Variants in CACNB4 observed in about 807,000 individuals in gnomAD.
CACNB4 encodes the protein calcium voltage-gated channel auxiliary subunit beta 4.
CACNB4 carries 32 observed loss-of-function variants against 71.2 expected under a neutral mutation model. That is an observed-to-expected ratio of 0.45 (90% CI 0.34 to 0.60). CACNB4 has a LOEUF of 0.60. Ranked by LOEUF, CACNB4 falls within the 20% of genes least tolerant of loss-of-function variation. The pLI, the probability that CACNB4 is intolerant of heterozygous loss-of-function variation, is 0.01. For synonymous variants in CACNB4, 231 were observed against 236.9 expected (o/e 0.97, Z 0.23); for missense variants, 464 against 647.9 (o/e 0.72, Z 3.08).
At chr2:152,064,842 A>C (rs1395119441) in intron 2 of CACNB4, among the ~76,000 whole-genome samples, 1 of 152,190 alleles carries the variant, frequency 6.6e-6, no homozygotes, top group Non-Finnish European at 1.5e-5. Context: ...AAATCTAAGA[A>C]ATTCTGTCTA....
chr2:152,087,431 C>CAA (rs754057435), intron 2 of CACNB4, among the ~76,000 whole-genome samples: 67 of 79,376 alleles, frequency 8.4e-4, no homozygotes, highest in Admixed American at 1.3e-3. Flanking sequence ...GACCCCATCT[C>CAA]AAAAAAAAAA....
chr2:152,098,727 C>G lies in CACNB4; in HGVS notation c.63+222G>C. The stretch of plus-strand genomic sequence containing the variant: ...GGCTGCGGGCTCCGGAGCGGGAGCG[C>G]AGAGACCCGAAGGAGGGTGAGGAGG... On this transcript the variant is annotated intron_variant, in intron 1 of 13. Coordinates refer to ENST00000539935, the MANE Select transcript of CACNB4 (RefSeq NM_000726.5). This position sits in a 1 kb window ranked among gnomAD's most constrained non-coding sequence, Gnocchi z 5.3. 5 of 1,548,324 alleles carry G rather than the reference C, an allele frequency of 3.2e-6. No individual in the cohort carries two copies. The Admixed American group carries it at 7.9e-5, about 24-fold the overall frequency.
chr2:152,013,702 A>G (rs1329460729), intron 2 of CACNB4, among the ~76,000 whole-genome samples: 1 of 152,246 alleles, frequency 6.6e-6, no homozygotes, highest in Non-Finnish European at 1.5e-5. Flanking sequence ...ACCATTACCA[A>G]GGAATCAGCA....
intron 2 of CACNB4, among the ~76,000 whole-genome samples, chr2:151,999,149 A>C (rs917105019): frequency 6.6e-6 from 1 of 151,322 alleles, no homozygotes; most frequent in Non-Finnish European, 1.5e-5. Context: ...TCAATCACTC[A>C]CTCCATGGCC....
In CACNB4 at chr2:152,021,115, C is replaced by T. The variant is rs1004411587; in HGVS notation, c.147+77215G>A. The stretch of plus-strand genomic sequence containing the variant: ...AAATACACCACACCAGGTGTGGTGG[C>T]GAGCGCCTGTAGTCCCAGCTATTCT... On this transcript the variant is annotated intron_variant, in intron 2 of 13. Coordinates refer to ENST00000539935, the MANE Select transcript of CACNB4 (RefSeq NM_000726.5). Among the ~76,000 whole-genome samples, 6 of 152,116 alleles carry T rather than the reference C, an allele frequency of 3.9e-5. No individual in the cohort carries two copies. In the East Asian group the frequency reaches 5.8e-4, roughly 15 times the overall value.
intron 10 of CACNB4, among the ~76,000 whole-genome samples, chr2:151,856,231 A>T (rs2099840280): frequency 6.6e-6 from 1 of 150,878 alleles, no homozygotes; most frequent in African/African-American, 2.4e-5. Flanking sequence ...ATATATATAT[A>T]TATTTTATAA....
chr2:151,981,660 C>T (rs1471330237), intron 2 of CACNB4, among the ~76,000 whole-genome samples: 16 of 152,068 alleles, frequency 1.1e-4, no homozygotes, highest in Admixed American at 1.0e-3. Context: ...GCATGTATCC[C>T]TTAAAGGCAG....
In CACNB4 at chr2:151,882,703, A is replaced by G. The variant is rs1400213476; in HGVS notation, c.267+548T>C. Among the ~76,000 whole-genome samples the G allele has an allele frequency of 2.0e-5, 3 of 152,258 alleles. No individual in the cohort carries two copies. The East Asian group carries it at 5.8e-4, about 29-fold the overall frequency. On this transcript the variant is annotated intron_variant, in intron 3 of 13. Transcript: ENST00000539935. Reference sequence around the variant, plus strand: ...GCTTCCTGTGGATGCAGCGATTTCTATGGAGGCCTCTTCTTGTGGAATATC... The same window carrying G: ...GCTTCCTGTGGATGCAGCGATTTCTGTGGAGGCCTCTTCTTGTGGAATATC...
At chr2:152,010,959 T>A (rs1683022268) in intron 2 of CACNB4, among the ~76,000 whole-genome samples, 1 of 152,112 alleles carries the variant, frequency 6.6e-6, no homozygotes, top group Admixed American at 6.5e-5. Context: ...TACAAGGAGA[T>A]ATGACTGCTC....
Position 151,869,211 on chromosome 2 carries a change from G to C in CACNB4, c.724C>G (p.Leu242Val). The change falls in exon 9 of 14, where the codon CTC becomes GTC. Residue 242 changes from leucine to valine, a missense_variant. Coordinates refer to ENST00000539935, the MANE Select transcript of CACNB4 (RefSeq NM_000726.5). ...YEVTDMMQKA[L>V]FDFLKHRFDG... ...AACCTGTGCTTCAGGAAATCAAAGAGGGCTTTCTGCATCATGTCTGTTACC... is the reference window on the plus strand; with the variant it reads ...AACCTGTGCTTCAGGAAATCAAAGACGGCTTTCTGCATCATGTCTGTTACC... 6.4e-7 allele frequency: 1 copy of C among 1,570,102 alleles called. No homozygotes were observed. Among genetic ancestry groups the C allele is most frequent in the Non-Finnish European group, 8.7e-7 (1 of 1,154,126 alleles).
At chr2:151,857,024 T>G (rs2099840493) in intron 10 of CACNB4, 1 of 152,200 alleles carries the variant, frequency 6.6e-6, no homozygotes, top group African/African-American at 2.4e-5. Flanking sequence ...TAAACGACCC[T>G]AAAGATGGCC....
chr2:151,973,275 A>C (rs963909284), intron 2 of CACNB4: 1 of 166,074 alleles, frequency 6.0e-6, no homozygotes, highest in East Asian at 1.7e-4. Context: ...CTAGCTCAAC[A>C]AACAATGTGT....
chr2:152,079,117 C>A (rs1334615941), intron 2 of CACNB4, among the ~76,000 whole-genome samples: 1 of 152,054 alleles, frequency 6.6e-6, no homozygotes, highest in East Asian at 1.9e-4. Flanking sequence ...GAGACACAGT[C>A]TCACTCTGTC....
At chr2:152,006,950 G>C (rs1682765701) in intron 2 of CACNB4, among the ~76,000 whole-genome samples, 1 of 152,090 alleles carries the variant, frequency 6.6e-6, no homozygotes, top group South Asian at 2.1e-4. Flanking sequence ...TTGACTAGTA[G>C]AGCCTTAAGT....
rs192954122 is a variant in CACNB4, at chr2:151,878,370, C to T, written c.391-1814G>A. Among the ~76,000 whole-genome samples the T allele has an allele frequency of 1.7e-4, 26 of 152,206 alleles. No homozygotes were observed. The East Asian group carries it at 3.3e-3, about 19-fold the overall frequency. Reference sequence around the variant, plus strand: ...AATTTGGCCTTTGTTATGCACACAGCTTCTCCATGCATACTATATGAGTGG... The same window carrying T: ...AATTTGGCCTTTGTTATGCACACAGTTTCTCCATGCATACTATATGAGTGG... On this transcript the variant is annotated intron_variant, in intron 4 of 13. Coordinates refer to ENST00000539935, the MANE Select transcript of CACNB4 (RefSeq NM_000726.5).
chr2:151,973,618 G>T, intron 2 of CACNB4: 1 of 1,533,312 alleles, frequency 6.5e-7, no homozygotes, highest in East Asian at 2.3e-5. Flanking sequence ...GGGGATAGTG[G>T]GAGGAGGAAG....
rs200398535 is a variant in CACNB4 at position 151,841,417 on chromosome 2, A to AT, written c.1302+485dup. On this transcript the variant is annotated intron_variant, in intron 13 of 13. Coordinates refer to ENST00000539935, the MANE Select transcript of CACNB4 (RefSeq NM_000726.5). ...GTGAGACACTGACACTGTCTCTACA[A>AT]TTTTTTTTTTTTAATTATCCATGTG... Among the ~76,000 whole-genome samples, 523 of 147,462 alleles carry AT rather than the reference A, an allele frequency of 3.5e-3. 3 individuals are homozygous for AT. The highest frequency in any genetic ancestry group is 0.014 in the East Asian group (70 of 5,072).
intron 2 of CACNB4, among the ~76,000 whole-genome samples, chr2:152,079,800 A>AT (rs1687255862): frequency 6.6e-6 from 1 of 152,188 alleles, no homozygotes; most frequent in Non-Finnish European, 1.5e-5. Context: ...AAATAAAAAA[A>AT]TAAAAGTAAA....
At position 151,851,484 on chromosome 2, in the gene CACNB4, G is replaced by C. The variant is rs75435373; in HGVS notation, c.1116+1964C>G. 5 of 152,310 alleles carry C rather than the reference G, an allele frequency of 3.3e-5. No individual in the cohort carries two copies. The East Asian group carries it at 9.6e-4, about 29-fold the overall frequency. The allele number at this position is 152,310 out of a possible 1,614,324, so 9.4% of individuals were successfully genotyped here. On this transcript the variant is annotated intron_variant, in intron 12 of 13. Transcript: ENST00000539935. Reference sequence around the variant, plus strand: ...TGTCTTTCCAGTCATGGAGCTGTTTGAAATCTCTGACCTGGGTACAAGTCC... The same window carrying C: ...TGTCTTTCCAGTCATGGAGCTGTTTCAAATCTCTGACCTGGGTACAAGTCC...
Sources: gnomAD v4.1 joint callset for allele counts (sites outside exome capture counted in the v4.1 genomes callset) on GRCh38, gnomAD v4.1.1 for gene constraint, Gnocchi (gnomAD v3.1) non-coding constraint, MANE v1.5 for transcripts, NCBI Gene and HGNC (gene_info 2026-07-23, HGNC 2026-07-21) for gene names.